Variants in TNRC6C observed in about 807,000 individuals in gnomAD.
The protein encoded by TNRC6C is trinucleotide repeat containing adaptor 6C.
TNRC6C carries 20 observed loss-of-function variants against 153.7 expected under a neutral mutation model. The ratio of observed to expected loss-of-function variants is 0.13; its 90% CI spans 0.09 to 0.19. The LOEUF (loss-of-function observed/expected upper bound fraction) is 0.19, where lower values mean the gene tolerates loss of function less well. Among genes scored for constraint, TNRC6C ranks in the 10% least tolerant of loss-of-function variants. TNRC6C has a pLI of 1.00. For missense variants in TNRC6C, 1,987 were observed against 2,172.0 expected, an observed-to-expected ratio of 0.91 and a Z score of 1.69; for synonymous variants, 811 against 841.4, an observed-to-expected ratio of 0.96 and a Z score of 0.63.
Position 78,049,327 on chromosome 17 carries a change from G to T in TNRC6C, c.265G>T (p.Ala89Ser). The T allele has an allele frequency of 2.5e-6, 4 of 1,614,014 alleles. No individual in the cohort carries two copies. The highest frequency in any genetic ancestry group is 3.4e-6 in the Non-Finnish European group (4 of 1,179,902). The stretch of plus-strand genomic sequence containing the variant: ...TGGGAGAAGTCAGAATTGCTGGGGT[G>T]CTTCCAACTCCAATGCTGGCATTAA... The change falls in exon 3 of 20, where the codon GCT (alanine) becomes TCT (serine). Residue 89 changes from alanine to serine, a missense_variant. Around this residue, in one of 4 missense-constraint regions of TNRC6C, gnomAD observed 1,052 missense variants for 1,017.0 expected, o/e 1.03. Transcript: ENST00000301624. This position sits in a 1 kb window ranked among gnomAD's most constrained non-coding sequence, Gnocchi z 4.1.
At chr17:78,050,922 T>G in exon 3 of TNRC6C, 1 of 1,613,886 alleles carries the variant, frequency 6.2e-7, no homozygotes, top group Non-Finnish European at 8.5e-7. Flanking sequence ...CTGGATGGGA[T>G]GCTGACAGTA....
At chr17:78,026,959 TACTC>T (rs2071953283) in intron 1 of TNRC6C, among the ~76,000 whole-genome samples, 2 of 152,080 alleles carry the variant, frequency 1.3e-5, no homozygotes, top group Admixed American at 6.5e-5. Flanking sequence ...GAGATTGAAA[TACTC>T]AGAAGGGCGA....
At chr17:78,097,623 G>C (rs1048175806) in intron 16 of TNRC6C, 122 bp from the exon 19 acceptor site, 5 of 622,884 alleles carry the variant, frequency 8.0e-6, no homozygotes, top group Non-Finnish European at 1.1e-5. Context: ...TCATGTTCAG[G>C]CTTCTATTAA....
Position 78,038,904 on chromosome 17 carries a change from G to A in TNRC6C, c.-219+7062G>A, listed in dbSNP as rs542569481. Among the ~76,000 whole-genome samples, 18 of 150,532 alleles carry A rather than the reference G, an allele frequency of 1.2e-4. No individual in the cohort carries two copies. The Middle Eastern group carries it at 0.014, about 114-fold the overall frequency. On this transcript the variant is annotated intron_variant, in intron 2 of 19. Transcript: ENST00000301624. ...ATCTTCTCAAGACCCTGTAATCACC[G>A]CAGGCGACCAGCGAGAGTGTGGGAA...
At chr17:78,036,921 T>TAA (rs879837370) in intron 2 of TNRC6C, among the ~76,000 whole-genome samples, 1 of 140,448 alleles carries the variant, frequency 7.1e-6, no homozygotes, top group African/African-American at 2.6e-5. Flanking sequence ...AAGATTCCAT[T>TAA]AAAAAAAAAA....
intron 6 of TNRC6C, among the ~76,000 whole-genome samples, chr17:78,071,442 G>A (rs2072995070): frequency 1.3e-5 from 2 of 151,720 alleles, no homozygotes; most frequent in Admixed American, 1.3e-4. Flanking sequence ...TTTGGAGACA[G>A]GGTCTTGCTC....
intron 6 of TNRC6C, among the ~76,000 whole-genome samples, chr17:78,072,048 T>A (rs1431742953): frequency 6.6e-6 from 1 of 152,194 alleles, no homozygotes; most frequent in Non-Finnish European, 1.5e-5. Flanking sequence ...TTCAAATTAG[T>A]GTTTATCTTT....
rs1275586184 is a variant in TNRC6C, at chr17:78,079,808, G to A, written c.3357+267G>A. On this transcript the variant is annotated intron_variant, in intron 10 of 19. Transcript: ENST00000301624. This position sits in a 1 kb window ranked among gnomAD's most constrained non-coding sequence, Gnocchi z 4.3. The stretch of plus-strand genomic sequence containing the variant: ...GCATTTGGCATCTTCCTGGTCAGAA[G>A]CAATATTGAGGGGGAAGGACCTGCC... Among the ~76,000 whole-genome samples the A allele has an allele frequency of 2.6e-5, 4 of 152,160 alleles. No individual in the cohort carries two copies. The highest frequency in any genetic ancestry group is 7.2e-5 in the African/African-American group (3 of 41,422).
chr17:77,961,463 C>T (rs1019110757), intron 1 of TNRC6C, among the ~76,000 whole-genome samples: 1 of 151,968 alleles, frequency 6.6e-6, no homozygotes, highest in African/African-American at 2.4e-5. Flanking sequence ...GCCGGTTTTA[C>T]TTTTAAGGTA....
intron 8 of TNRC6C, 126 bp from the exon 11 acceptor site, chr17:78,077,059 A>C (rs996160428): frequency 9.3e-7 from 1 of 1,080,072 alleles, no homozygotes; most frequent in Non-Finnish European, 1.3e-6. Flanking sequence ...CCATTCCCTT[A>C]TCCACACTTT....
chr17:78,043,062 G>A (rs1000557759), intron 2 of TNRC6C, among the ~76,000 whole-genome samples: 1 of 152,232 alleles, frequency 6.6e-6, no homozygotes, highest in Admixed American at 6.5e-5. Context: ...AAATTAATTT[G>A]TGAAGAGCCA....
intron 2 of TNRC6C, 54 bp from the exon 5 acceptor site, chr17:78,048,791 T>C: frequency 8.1e-7 from 1 of 1,230,990 alleles, no homozygotes; most frequent in African/African-American, 1.5e-5. Context: ...AACAGTTGAT[T>C]CATTGACAAA....
At chr17:78,042,448 G>A (rs1003703636) in intron 2 of TNRC6C, among the ~76,000 whole-genome samples, 6 of 152,114 alleles carry the variant, frequency 3.9e-5, no homozygotes, top group Non-Finnish European at 1.5e-5. Flanking sequence ...CAGCTAAGCC[G>A]ACGTGTATGG....
chr17:78,050,464 T>C, exon 3 of TNRC6C: 1 of 1,613,928 alleles, frequency 6.2e-7, no homozygotes, highest in Non-Finnish European at 8.5e-7. Flanking sequence ...ATCCCCTAGG[T>C]CTGAAAGGAA....
intron 1 of TNRC6C, among the ~76,000 whole-genome samples, chr17:78,024,991 A>G (rs1474790106): frequency 6.6e-6 from 1 of 151,472 alleles, no homozygotes; most frequent in Admixed American, 6.6e-5. Context: ...ACGGGGTTTC[A>G]CCATGTTAGC....
At chr17:78,095,648 C>A (rs2073472268) in intron 16 of TNRC6C, among the ~76,000 whole-genome samples, 1 of 152,222 alleles carries the variant, frequency 6.6e-6, no homozygotes, top group African/African-American at 2.4e-5. Flanking sequence ...TGTTGCTCCA[C>A]TCTGGTACCT....
exon 14 of TNRC6C, chr17:78,091,567 C>A: frequency 6.3e-7 from 1 of 1,592,570 alleles, no homozygotes; most frequent in Non-Finnish European, 8.5e-7. Flanking sequence ...ATAACTTGCC[C>A]AGTGCCGCTT....
intron 3 of TNRC6C, among the ~76,000 whole-genome samples, chr17:78,054,563 T>C (rs1336525228): frequency 6.6e-6 from 1 of 151,842 alleles, no homozygotes; most frequent in East Asian, 1.9e-4. Flanking sequence ...TGTGGACTAC[T>C]GCGCACCACT....
intron 2 of TNRC6C, among the ~76,000 whole-genome samples, chr17:78,045,587 A>G (rs2072393197): frequency 6.6e-6 from 1 of 152,126 alleles, no homozygotes; most frequent in Non-Finnish European, 1.5e-5. Context: ...TTCAGCTAGA[A>G]CTCAGATTGT....
Sources: allele counts gnomAD v4.1 joint callset (sites outside exome capture counted in the v4.1 genomes callset), GRCh38; gene constraint gnomAD v4.1.1; regional missense constraint gnomAD v4.1.1; non-coding constraint Gnocchi (gnomAD v3.1); transcripts MANE v1.5; gene names NCBI Gene and HGNC (gene_info 2026-07-23, HGNC 2026-07-21).